The following LINGO2 variants were observed in gnomAD, a reference collection of about 807,000 sequenced individuals.
LINGO2 encodes the protein leucine-rich repeat and immunoglobulin-like domain-containing nogo receptor-interacting protein 2.
A neutral mutation model predicts 30.6 loss-of-function variants in LINGO2; 14 were observed. That is an observed-to-expected ratio of 0.46 (90% CI 0.30 to 0.72). The LOEUF is 0.72. Among genes scored for constraint, LINGO2 ranks in the 30% least tolerant of loss-of-function variants. LINGO2 has a pLI of 0.07. For synonymous variants in LINGO2, 317 were observed against 288.5 expected, an observed-to-expected ratio of 1.10 and a Z score of -1.00; for missense variants, 729 against 751.7, an observed-to-expected ratio of 0.97 and a Z score of 0.35.
the LINGO2 span, among the ~76,000 whole-genome samples, chr9:29,118,215 A>C: frequency 6.6e-6 from 1 of 152,148 alleles, no homozygotes; most frequent in African/African-American, 2.4e-5. Context: ...GCATTCATTC[A>C]TCACTAACTA....
At chr9:28,576,670 T>C (rs1166199787) in intron 1 of LINGO2, among the ~76,000 whole-genome samples, 1 of 152,188 alleles carries the variant, frequency 6.6e-6, no homozygotes, top group African/African-American at 2.4e-5. Flanking sequence ...ACATACATCA[T>C]TGTTTAAAAC....
the LINGO2 span, among the ~76,000 whole-genome samples, chr9:28,999,848 T>C: frequency 6.6e-6 from 1 of 152,004 alleles, no homozygotes; most frequent in Admixed American, 6.6e-5. Flanking sequence ...TTTGGAGCTT[T>C]ACTCTTACTG....
At chr9:28,442,749 C>T (rs564205922) in intron 2 of LINGO2, among the ~76,000 whole-genome samples, 3 of 152,204 alleles carry the variant, frequency 2.0e-5, no homozygotes, top group Non-Finnish European at 4.4e-5. Context: ...GTGTTGAACA[C>T]CATCAGTGGT....
At chr9:28,282,184 T>C (rs1285616804) in intron 4 of LINGO2, among the ~76,000 whole-genome samples, 2 of 152,128 alleles carry the variant, frequency 1.3e-5, no homozygotes, top group African/African-American at 4.8e-5. Context: ...TCAAGTTATT[T>C]CCAGGATACA....
chr9:28,614,634 G>T (rs1826057302), intron 1 of LINGO2, among the ~76,000 whole-genome samples: 1 of 152,110 alleles, frequency 6.6e-6, no homozygotes, highest in South Asian at 2.1e-4. Flanking sequence ...GGCAGGCAGA[G>T]AAATATATCG....
chr9:27,950,747 G>A, intron 5 of LINGO2, 41 bp from the exon 7 acceptor site: 3 of 1,217,936 alleles, frequency 2.5e-6, no homozygotes, highest in Non-Finnish European at 3.3e-6. Flanking sequence ...GAGAAGGTGA[G>A]TTAGGATATA....
the LINGO2 span, among the ~76,000 whole-genome samples, chr9:28,966,849 T>A: frequency 6.6e-6 from 1 of 152,116 alleles, no homozygotes; most frequent in Non-Finnish European, 1.5e-5. Context: ...AAGTAGAGTA[T>A]ATTGTTTTTG....
intron 4 of LINGO2, among the ~76,000 whole-genome samples, chr9:28,153,022 C>A (rs1292758721): frequency 6.6e-6 from 1 of 152,042 alleles, no homozygotes; most frequent in Non-Finnish European, 1.5e-5. Flanking sequence ...AGATAAATAA[C>A]CCCCGATGCT....
At chr9:28,337,065 A>G (rs1825614318) in intron 3 of LINGO2, among the ~76,000 whole-genome samples, 1 of 149,034 alleles carries the variant, frequency 6.7e-6, no homozygotes, top group Admixed American at 6.7e-5. Context: ...ATATACTTTC[A>G]TATTATAAAA....
intron 2 of LINGO2, among the ~76,000 whole-genome samples, chr9:28,419,192 G>A (rs1057277375): frequency 2.0e-5 from 3 of 151,976 alleles, no homozygotes; most frequent in African/African-American, 4.8e-5. Context: ...GAAATGAATA[G>A]GGATGTTTCC....
chr9:28,066,168 A>T (rs1241535062), intron 4 of LINGO2, among the ~76,000 whole-genome samples: 1 of 152,108 alleles, frequency 6.6e-6, no homozygotes, highest in Non-Finnish European at 1.5e-5. Context: ...CTTTAAGCCA[A>T]TGATAACTGC....
chr9:28,685,078 T>C, the LINGO2 span, among the ~76,000 whole-genome samples: 12 of 152,174 alleles, frequency 7.9e-5, no homozygotes, highest in African/African-American at 2.9e-4. Flanking sequence ...GAACATGTGG[T>C]ATCTGGTTTC....
the LINGO2 span, among the ~76,000 whole-genome samples, chr9:28,999,929 C>T: frequency 1.3e-5 from 2 of 151,940 alleles, no homozygotes; most frequent in Non-Finnish European, 2.9e-5. Context: ...GCTCTTTCCA[C>T]TCAGGCATGA....
chr9:28,333,156 AAAG>A (rs777354398), intron 3 of LINGO2, among the ~76,000 whole-genome samples: 3 of 152,238 alleles, frequency 2.0e-5, no homozygotes, highest in African/African-American at 4.8e-5. Context: ...AGTCACACAA[AAAG>A]AAGAACAATT....
chr9:28,716,838 T>G, the LINGO2 span, among the ~76,000 whole-genome samples: 51,364 of 151,740 alleles, frequency 0.34, 9,224 homozygotes, highest in Admixed American at 0.46. Context: ...TTAAACTTAG[T>G]GTATAATTTT....
At chr9:27,939,871 T>G in the LINGO2 span, 3 of 152,214 alleles carry the variant, frequency 2.0e-5, no homozygotes, top group African/African-American at 7.2e-5. Flanking sequence ...CTGCCTTAGA[T>G]GGGGATCTGG....
chr9:28,094,075 C>T (rs1826175358), intron 4 of LINGO2, among the ~76,000 whole-genome samples: 1 of 151,922 alleles, frequency 6.6e-6, no homozygotes, highest in African/African-American at 2.4e-5. Context: ...TTTGAAAAGG[C>T]CAAATGGCCA....
the LINGO2 span, among the ~76,000 whole-genome samples, chr9:28,917,413 C>CAA: frequency 2.0e-5 from 3 of 148,448 alleles, no homozygotes; most frequent in African/African-American, 2.5e-5. Flanking sequence ...AAACAAAACT[C>CAA]AAAAAAAAAA....
chr9:28,346,519 AG>A (rs1320400258), intron 3 of LINGO2, among the ~76,000 whole-genome samples: 6 of 152,158 alleles, frequency 3.9e-5, no homozygotes, highest in African/African-American at 7.2e-5. Context: ...GTGTCTTTAG[AG>A]TGGAACAATT....
Sources: gnomAD v4.1 joint callset for allele counts (sites outside exome capture counted in the v4.1 genomes callset) on GRCh38, gnomAD v4.1.1 for gene constraint, MANE v1.5 for transcripts, NCBI Gene and HGNC (gene_info 2026-07-23, HGNC 2026-07-21) for gene names.